Variants in PATJ observed in about 807,000 individuals in gnomAD.
The protein encoded by PATJ is PATJ crumbs cell polarity complex component.
A neutral mutation model predicts 224.9 loss-of-function variants in PATJ; 190 were observed. The ratio of observed to expected loss-of-function variants is 0.84; its 90% CI spans 0.75 to 0.95. The LOEUF (loss-of-function observed/expected upper bound fraction) is 0.95. Among genes scored for constraint, PATJ ranks in the 40% least tolerant of loss-of-function variants. PATJ has a pLI of 0.00. For missense variants in PATJ, 2,121 were observed against 2,270.3 expected (o/e 0.93, Z 1.34); for synonymous variants, 769 against 820.3 (o/e 0.94, Z 1.07).
At chr1:61,754,663 T>C (rs1286697) in intron 1 of PATJ, among the ~76,000 whole-genome samples, 89,049 of 151,564 alleles carry the variant, frequency 0.59, 26,279 homozygotes, top group Non-Finnish European at 0.6. Flanking sequence ...TGCCTGGCCT[T>C]ATATACTCGT....
intron 27 of PATJ, among the ~76,000 whole-genome samples, chr1:61,985,479 G>A (rs190941003): frequency 1.3e-4 from 20 of 152,114 alleles, no homozygotes; most frequent in East Asian, 5.8e-4. Context: ...CTATTTTACC[G>A]TCTTTAATTG....
intron 14 of PATJ, among the ~76,000 whole-genome samples, chr1:61,822,535 GA>G (rs1274762703): frequency 6.6e-6 from 1 of 152,162 alleles, no homozygotes; most frequent in African/African-American, 2.4e-5. Flanking sequence ...GGAGGCTCAT[GA>G]ACTCAGGGCT....
At chr1:62,063,800 G>A (rs1655943342) in intron 31 of PATJ, among the ~76,000 whole-genome samples, 2 of 152,090 alleles carry the variant, frequency 1.3e-5, no homozygotes, top group Admixed American at 1.3e-4. Flanking sequence ...TTGGCTCTCA[G>A]CTTGAATGTT....
chr1:61,925,374 C>T lies in PATJ; in HGVS notation c.3571-2356C>T, dbSNP rs149092960. Among the ~76,000 whole-genome samples the T allele has an allele frequency of 9.3e-3, 1,417 of 152,240 alleles. 18 individuals carry two copies. The highest frequency in any genetic ancestry group is 0.014 in the Non-Finnish European group (964 of 68,020). On this transcript the variant is annotated intron_variant, in intron 26 of 43. Transcript: ENST00000642238. Reference sequence around the variant, plus strand: ...AGCATAATATAGATTCTCATCCCAACAAATAACTCTAAATGGTCAGACCAT... The same window carrying T: ...AGCATAATATAGATTCTCATCCCAATAAATAACTCTAAATGGTCAGACCAT...
intron 28 of PATJ, among the ~76,000 whole-genome samples, chr1:62,012,192 T>C (rs1048945958): frequency 3.3e-5 from 5 of 152,120 alleles, no homozygotes; most frequent in East Asian, 1.9e-4. Context: ...CATCTTTTTA[T>C]AGAGATGGCT....
intron 22 of PATJ, among the ~76,000 whole-genome samples, chr1:61,893,035 CA>C (rs1238484075): frequency 6.6e-6 from 1 of 152,052 alleles, no homozygotes; most frequent in Non-Finnish European, 1.5e-5. Flanking sequence ...TTAATATGTA[CA>C]GTAAGAATAT....
Position 61,746,963 on chromosome 1 carries a change from C to A in PATJ, c.-36+4408C>A, listed in dbSNP as rs184384859. Among the ~76,000 whole-genome samples the A allele has an allele frequency of 3.1e-3, 467 of 152,328 alleles. 7 individuals are homozygous for A. Among genetic ancestry groups the A allele is most frequent in the South Asian group, 9.5e-3 (46 of 4,826 alleles). On this transcript the variant is annotated intron_variant, in intron 1 of 43. Transcript: ENST00000642238. The stretch of plus-strand genomic sequence containing the variant: ...ATGACTCAGCATTTTCTAGTTCTTA[C>A]AATTGCATTTTTACTTAACAGCATT...
At chr1:61,777,278 T>C (rs546104548) in intron 7 of PATJ, among the ~76,000 whole-genome samples, 2 of 152,140 alleles carry the variant, frequency 1.3e-5, no homozygotes, top group East Asian at 3.9e-4. Context: ...TAAAAGCTTT[T>C]CTAAGGCTGG....
chr1:61,827,281 TATG>T (rs796360607), intron 15 of PATJ, 138 bp from the exon 16 acceptor site: 15 of 629,218 alleles, frequency 2.4e-5, no homozygotes, highest in African/African-American at 2.2e-4. Flanking sequence ...TCATAAATAA[TATG>T]ATGAAAGCGA....
At chr1:61,813,363 A>C (rs1421667305) in intron 14 of PATJ, among the ~76,000 whole-genome samples, 3 of 48,990 alleles carry the variant, frequency 6.1e-5, no homozygotes, top group Admixed American at 2.8e-4. Context: ...ATATATATAT[A>C]TATATATATA....
At chr1:62,053,717 CTA>C (rs1491508584) in intron 31 of PATJ, among the ~76,000 whole-genome samples, 1 of 129,642 alleles carries the variant, frequency 7.7e-6, no homozygotes, top group Non-Finnish European at 1.8e-5. Context: ...GAAATTCCGT[CTA>C]AAAAAAAAAA....
chr1:61,792,705 T>C (rs1650150865), intron 9 of PATJ, among the ~76,000 whole-genome samples: 1 of 152,068 alleles, frequency 6.6e-6, no homozygotes, highest in African/African-American at 2.4e-5. Context: ...AATTTTTGTA[T>C]TTTTAGCTGA....
intron 17 of PATJ, among the ~76,000 whole-genome samples, chr1:61,841,427 A>G (rs575419566): frequency 1.3e-5 from 2 of 152,330 alleles, no homozygotes; most frequent in East Asian, 3.9e-4. Context: ...ATTTTAACAC[A>G]TTAATAGTAT....
chr1:62,151,820 G>A (rs17123137), intron 42 of PATJ, among the ~76,000 whole-genome samples: 3,716 of 152,254 alleles, frequency 0.024, 100 homozygotes, highest in South Asian at 0.13. Context: ...TCATAAATAA[G>A]ACAGGGTCTG....
At position 61,784,170 on chromosome 1, in the gene PATJ, G is replaced by T. The variant is rs1288588442; in HGVS notation, c.850-3584G>T. The stretch of plus-strand genomic sequence containing the variant: ...TGCATAATTTTTTTCTCTTTTGAAA[G>T]AATCTATGGATTAATAAAACTTTTA... On this transcript the variant is annotated intron_variant, in intron 7 of 43. Transcript: ENST00000642238. Among the ~76,000 whole-genome samples, 4 of 152,204 alleles carry T rather than the reference G, an allele frequency of 2.6e-5. No individual in the cohort carries two copies. The South Asian group carries it at 8.3e-4, about 32-fold the overall frequency.
chr1:62,139,399 C>CAAAA (rs4019658), intron 41 of PATJ, among the ~76,000 whole-genome samples: 5 of 94,904 alleles, frequency 5.3e-5, no homozygotes, highest in South Asian at 4.6e-4. Context: ...GACTCCATCT[C>CAAAA]AAAAAAAAAA....
intron 16 of PATJ, chr1:61,833,398 T>A (rs943998666): frequency 2.1e-5 from 6 of 282,892 alleles, no homozygotes; most frequent in African/African-American, 1.3e-4. Flanking sequence ...ATACTTTGAA[T>A]GAAATAAATT....
At chr1:61,832,996 T>C (rs1449127354) in intron 16 of PATJ, among the ~76,000 whole-genome samples, 1 of 152,090 alleles carries the variant, frequency 6.6e-6, no homozygotes, top group Non-Finnish European at 1.5e-5. Context: ...TCAAGAAAAG[T>C]AACAAAGGAC....
chr1:61,875,158 TCATTATTA>T (rs1298465928), intron 20 of PATJ, 77 bp from the exon 21 acceptor site: 68 of 807,444 alleles, frequency 8.4e-5, no homozygotes, highest in Non-Finnish European at 1.2e-4. Context: ...TTTTCCACTA[TCATTATTA>T]CTTGGCTTGA....
Sources: allele counts gnomAD v4.1 joint callset (sites outside exome capture counted in the v4.1 genomes callset), GRCh38; gene constraint gnomAD v4.1.1; transcripts MANE v1.5; gene names NCBI Gene and HGNC (gene_info 2026-07-23, HGNC 2026-07-21).